KIF26B: variants seen among roughly 807,000 people sequenced by gnomAD.
The protein encoded by KIF26B is kinesin-like protein KIF26B.
A neutral mutation model predicts 151.2 loss-of-function variants in KIF26B; 63 were observed. That is an observed-to-expected ratio of 0.42 (90% CI 0.34 to 0.51). The LOEUF (loss-of-function observed/expected upper bound fraction) is 0.51, where lower values mean the gene tolerates loss of function less well. Among genes scored for constraint, KIF26B ranks in the 20% least tolerant of loss-of-function variants. The pLI is 0.07. For missense variants in KIF26B, 2,813 were observed against 2,913.6 expected (o/e 0.97, Z 0.79); for synonymous variants, 1,357 against 1,262.1 (o/e 1.08, Z -1.59).
intron 4 of KIF26B, among the ~76,000 whole-genome samples, chr1:245,487,874 T>G (rs941485388): frequency 2.6e-5 from 4 of 151,726 alleles, no homozygotes; most frequent in African/African-American, 9.7e-5. Flanking sequence ...CTGCAACCTC[T>G]GCCTCCCAGG....
intron 5 of KIF26B, among the ~76,000 whole-genome samples, chr1:245,575,397 C>G (rs1238540824): frequency 1.3e-5 from 2 of 151,830 alleles, no homozygotes; most frequent in Non-Finnish European, 2.9e-5. Context: ...ATTGTTTGAA[C>G]CCGGGAGGCA....
chr1:245,602,763 T>C lies in KIF26B; in HGVS notation c.1537T>C (p.Phe513Leu). 6.2e-7 allele frequency: 1 copy of C among 1,613,798 alleles called. No individual in the cohort carries two copies. Among genetic ancestry groups the C allele is most frequent in the Non-Finnish European group, 8.5e-7 (1 of 1,179,898 alleles). Residue 513 changes from phenylalanine (F) to leucine (L), a missense_variant, in exon 6 of 15, where the codon TTT becomes CTT. By Grantham distance (22) the Phe-to-Leu change is conservative. Transcript: ENST00000407071. This position sits in a 1 kb window ranked among gnomAD's most constrained non-coding sequence, Gnocchi z 4.5. Reference protein sequence around the residue: ...PPKMFAFDAVFPQDASQAEVC... With the variant: ...PPKMFAFDAVLPQDASQAEVC... ...AAAGATGTTTGCCTTCGATGCAGTT[T>C]TTCCACAAGACGCTTCTCAGGTGGG...
At chr1:245,697,996 C>G (rs148633788) in intron 12 of KIF26B, 110 bp from the exon 13 acceptor site, 1 of 936,758 alleles carries the variant, frequency 1.1e-6, no homozygotes, top group African/African-American at 1.7e-5. Flanking sequence ...AGCTATGGAT[C>G]GCACCACTGC....
chr1:245,160,031 T>C (rs550003679), intron 2 of KIF26B, among the ~76,000 whole-genome samples: 3 of 152,292 alleles, frequency 2.0e-5, no homozygotes, highest in East Asian at 3.9e-4. Context: ...TGGAAAGAGA[T>C]GGAGGCAGAT....
At chr1:245,188,529 A>G (rs988149897) in intron 2 of KIF26B, among the ~76,000 whole-genome samples, 1 of 152,212 alleles carries the variant, frequency 6.6e-6, no homozygotes, top group African/African-American at 2.4e-5. Context: ...GATGACGAAG[A>G]TATGTTTTAA....
At chr1:245,454,946 G>A (rs1475812850) in intron 4 of KIF26B, among the ~76,000 whole-genome samples, 1 of 152,132 alleles carries the variant, frequency 6.6e-6, no homozygotes, top group Non-Finnish European at 1.5e-5. Flanking sequence ...CAAACTATTT[G>A]GGACAAATGT....
At chr1:245,355,319 GT>G (rs1672668260) in intron 2 of KIF26B, among the ~76,000 whole-genome samples, 1 of 152,162 alleles carries the variant, frequency 6.6e-6, no homozygotes, top group Non-Finnish European at 1.5e-5. Context: ...CTAGACGTCA[GT>G]AGCCCTCTCC....
At chr1:245,202,406 C>T (rs879832921) in intron 2 of KIF26B, among the ~76,000 whole-genome samples, 4 of 152,102 alleles carry the variant, frequency 2.6e-5, no homozygotes, top group Non-Finnish European at 2.9e-5. Context: ...CCTGATCTAC[C>T]GGTCTGAGCT....
At chr1:245,235,064 T>A (rs1392934779) in intron 2 of KIF26B, among the ~76,000 whole-genome samples, 2 of 152,228 alleles carry the variant, frequency 1.3e-5, no homozygotes, top group African/African-American at 2.4e-5. Context: ...GGCCTCCTCC[T>A]CTGTCCCTAC....
intron 4 of KIF26B, among the ~76,000 whole-genome samples, chr1:245,469,971 G>A (rs1398412933): frequency 2.6e-5 from 4 of 151,920 alleles, no homozygotes; most frequent in Non-Finnish European, 5.9e-5. Flanking sequence ...CAAAGAAACC[G>A]GAGGTCACAG....
chr1:245,627,588 A>G (rs2043737879), intron 9 of KIF26B, among the ~76,000 whole-genome samples: 1 of 152,196 alleles, frequency 6.6e-6, no homozygotes, highest in Non-Finnish European at 1.5e-5. Context: ...GAGAAGCAAG[A>G]GCAAACAAAT....
At chr1:245,418,464 T>C in intron 3 of KIF26B, among the ~76,000 whole-genome samples, 1 of 152,246 alleles carries the variant, frequency 6.6e-6, no homozygotes, top group East Asian at 1.9e-4. Context: ...GTAATGGCTA[T>C]TCTGCTAATA....
chr1:245,419,052 C>A (rs1364827646), intron 3 of KIF26B, among the ~76,000 whole-genome samples: 1 of 152,148 alleles, frequency 6.6e-6, no homozygotes. Context: ...TTATTAGTTT[C>A]TCTATGTTGC....
At chr1:245,447,122 G>A (rs1164296114) in intron 4 of KIF26B, among the ~76,000 whole-genome samples, 1 of 152,128 alleles carries the variant, frequency 6.6e-6, no homozygotes, top group Admixed American at 6.5e-5. Flanking sequence ...TGTGTGGTGG[G>A]TGGAGCTGGC....
At chr1:245,237,451 C>T (rs1394563978) in intron 2 of KIF26B, among the ~76,000 whole-genome samples, 1 of 152,096 alleles carries the variant, frequency 6.6e-6, no homozygotes, top group Non-Finnish European at 1.5e-5. Flanking sequence ...CCCAGGAAGC[C>T]TTGGGTGGGT....
intron 2 of KIF26B, among the ~76,000 whole-genome samples, chr1:245,337,319 C>A (rs1464597404): frequency 6.6e-6 from 1 of 151,716 alleles, no homozygotes; most frequent in African/African-American, 2.4e-5. Context: ...TTACAGGCAC[C>A]CCCAACCATA....
At chr1:245,233,585 A>C (rs1181258193) in intron 2 of KIF26B, among the ~76,000 whole-genome samples, 1 of 151,876 alleles carries the variant, frequency 6.6e-6, no homozygotes, top group Non-Finnish European at 1.5e-5. Flanking sequence ...GCAGACTCTT[A>C]GTGTCCAGCT....
intron 10 of KIF26B, among the ~76,000 whole-genome samples, chr1:245,681,314 A>G (rs1218876598): frequency 1.3e-5 from 2 of 150,604 alleles, no homozygotes; most frequent in African/African-American, 2.4e-5. Flanking sequence ...GGTTCACGCC[A>G]TTCTCCTGCC....
intron 2 of KIF26B, among the ~76,000 whole-genome samples, chr1:245,314,565 A>G (rs1341458732): frequency 6.6e-6 from 1 of 152,196 alleles, no homozygotes; most frequent in African/African-American, 2.4e-5. Flanking sequence ...TGGTCGTGTG[A>G]ATGGATAAAT....
Sources: gnomAD v4.1 joint callset for allele counts (sites outside exome capture counted in the v4.1 genomes callset) on GRCh38, gnomAD v4.1.1 for gene constraint, Gnocchi (gnomAD v3.1) non-coding constraint, MANE v1.5 for transcripts, NCBI Gene and HGNC (gene_info 2026-07-23, HGNC 2026-07-21) for gene names.